Variants in PLEKHG6 observed in about 807,000 individuals in gnomAD.
PLEKHG6 encodes the protein pleckstrin homology and RhoGEF domain containing G6.
PLEKHG6 carries 91 observed loss-of-function variants against 97.5 expected under a neutral mutation model. The observed-to-expected ratio is 0.93, with a 90% CI of 0.79 to 1.11. The LOEUF is 1.11. Ranked by LOEUF, PLEKHG6 falls within the 50% of genes most tolerant of loss-of-function variation. The pLI is 0.00. For missense variants in PLEKHG6, 1,044 were observed against 1,031.0 expected (o/e 1.01, Z -0.17); for synonymous variants, 466 against 425.5 (o/e 1.10, Z -1.17).
chr12:6,317,439 G>A lies in PLEKHG6; in HGVS notation c.867+26G>A, dbSNP rs71584812. On this transcript the variant is annotated intron_variant, in intron 8 of 15. Transcript: ENST00000684764. Reference sequence around the variant, plus strand: ...GTGGGAGAAGGGGTGCTGGGGAGGGGGACGGGTGCATCTTAGCCGGCCGGT... The same window carrying A: ...GTGGGAGAAGGGGTGCTGGGGAGGGAGACGGGTGCATCTTAGCCGGCCGGT... 1,131 of 1,609,120 alleles carry A rather than the reference G, an allele frequency of 7.0e-4. 10 individuals are homozygous for A. The African/African-American group carries it at 0.013, about 19-fold the overall frequency.
intron 15 of PLEKHG6, 78 bp from the exon 16 acceptor site, chr12:6,328,058 G>T: frequency 6.3e-7 from 1 of 1,585,112 alleles, no homozygotes; most frequent in Non-Finnish European, 8.7e-7. Flanking sequence ...AGGCAGGAAG[G>T]GCTCTCCGCC....
rs570197517 is a variant in PLEKHG6 at position 6,312,302 on chromosome 12, C to T, written c.76C>T (p.Arg26Trp). The T allele has an allele frequency of 6.2e-5, 97 of 1,567,878 alleles. 1 individual carries two copies. Among genetic ancestry groups the T allele is most frequent in the South Asian group, 9.6e-5 (8 of 83,696 alleles). ...VASRIETYGG[R>W]HRASAQSTAG... ...CTCCCGCATTGAGACTTATGGGGGC[C>T]GGCATCGAGCCTCTGCTCAGAGCAC... The change falls in exon 2 of 16, where the codon CGG becomes TGG. Residue 26 changes from arginine to tryptophan, a missense_variant. Transcript: ENST00000684764.
Position 6,316,555 on chromosome 12 carries a change from C to G in PLEKHG6, c.756+151C>G. ...CCCCTAATATCACCTCACCTCCTCC[C>G]TTCATGCCACAAGTCTGACCTCTGT... On this transcript the variant is annotated intron_variant, in intron 7 of 15. Coordinates refer to ENST00000684764, the MANE Select transcript of PLEKHG6 (RefSeq NM_001384598.1). The surrounding 1 kb of genome is among the most constrained non-coding windows in gnomAD (Gnocchi z 4.1). The G allele has an allele frequency of 1.5e-6, 1 of 662,550 alleles. No individual in the cohort carries two copies. The highest frequency in any genetic ancestry group is 1.8e-5 in the African/African-American group (1 of 54,918). The allele number at this position is 662,550 out of a possible 1,614,324, so 41.0% of individuals were successfully genotyped here.
Position 6,312,179 on chromosome 12 carries a change from C to A in PLEKHG6, c.-48C>A, listed in dbSNP as rs765045316. ...TGCAGCCCTAGGGGACCTCTTTCTCCTGGACATTGAAGATATGGCCCTTTG... is the reference window on the plus strand; with the variant it reads ...TGCAGCCCTAGGGGACCTCTTTCTCATGGACATTGAAGATATGGCCCTTTG... On this transcript the variant is annotated 5_prime_UTR_variant, in exon 2 of 16. It adds an upstream start codon to the 5' untranslated region. Coordinates refer to ENST00000684764, the MANE Select transcript of PLEKHG6 (RefSeq NM_001384598.1). 7.0e-7 allele frequency: 1 copy of A among 1,434,606 alleles called. No individual in the cohort carries two copies. 88.9% of individuals were successfully genotyped at this position (1,434,606 alleles called of 1,614,324 possible).
chr12:6,320,226 G>A (rs1423978739), intron 13 of PLEKHG6, among the ~76,000 whole-genome samples: 1 of 152,156 alleles, frequency 6.6e-6, no homozygotes, highest in African/African-American at 2.4e-5. Flanking sequence ...GGATGACAGA[G>A]GGCCAGTGAA....
chr12:6,326,143 A>G (rs2136790103), intron 13 of PLEKHG6, among the ~76,000 whole-genome samples: 1 of 152,100 alleles, frequency 6.6e-6, no homozygotes, highest in Non-Finnish European at 1.5e-5. Flanking sequence ...CATCTCTACT[A>G]AAAATACAAA....
At chr12:6,313,503 A>G (rs1421074599) in intron 2 of PLEKHG6, 126 bp from the exon 3 acceptor site, 17 of 1,140,702 alleles carry the variant, frequency 1.5e-5, no homozygotes, top group Non-Finnish European at 2.0e-5. Flanking sequence ...TGCAGGGAGA[A>G]GTGAGCCAGC....
In PLEKHG6 at chr12:6,312,364, G is replaced by T. The variant is rs754842043; in HGVS notation, c.138G>T (p.Leu46=). 4.4e-6 allele frequency: 7 copies of T among 1,582,700 alleles called. No individual in the cohort carries two copies. Among genetic ancestry groups the T allele is most frequent in the Non-Finnish European group, 6.0e-6 (7 of 1,167,400 alleles). ...GRLYPRGYPV[L]DPSRRRLQQY... ...TCTATCCCCGAGGATACCCTGTGCT[G>T]GTGAGTCCAGGCTGTGCCCCAAAAG... The change falls in exon 2 of 16, where the codon CTG becomes CTT. Residue 46 remains leucine (L), a splice_region_variant and synonymous_variant. Coordinates refer to ENST00000684764, the MANE Select transcript of PLEKHG6 (RefSeq NM_001384598.1).
At chr12:6,312,457 T>G (rs1947306425) in intron 2 of PLEKHG6, 93 bp downstream of exon 2, 1 of 1,371,986 alleles carries the variant, frequency 7.3e-7, no homozygotes, top group Non-Finnish European at 9.9e-7. Context: ...GGTTCAGAGG[T>G]TGAGCTATTC....
chr12:6,322,076 G>C (rs994200127), intron 13 of PLEKHG6, among the ~76,000 whole-genome samples: 8 of 152,176 alleles, frequency 5.3e-5, no homozygotes, highest in Non-Finnish European at 8.8e-5. Context: ...ACAGCCTGGG[G>C]CCAGCACTGG....
At position 6,318,347 on chromosome 12, in the gene PLEKHG6, G is replaced by A. The variant is rs770557864; in HGVS notation, c.1202G>A (p.Gly401Glu). Residue 401 changes from glycine to glutamate, a missense_variant, in exon 11 of 16, where the codon GGG (glycine) becomes GAG (glutamate). Coordinates refer to ENST00000684764, the MANE Select transcript of PLEKHG6 (RefSeq NM_001384598.1). ...CTGGACCTGACGTCCCCCATGCTGG[G>A]GGTTGCATCTGAGCACACCAGACAG... ...STLDLTSPML[G>E]VASEHTRQLL... 28 of 1,614,120 alleles carry A rather than the reference G, an allele frequency of 1.7e-5. No individual in the cohort carries two copies. Among genetic ancestry groups the A allele is most frequent in the Non-Finnish European group, 2.2e-5 (26 of 1,180,028 alleles).
Position 6,318,443 on chromosome 12 carries a change from G to A in PLEKHG6, c.1275+23G>A, listed in dbSNP as rs559640709. The A allele has an allele frequency of 1.1e-4, 174 of 1,586,100 alleles. 1 individual carries two copies. The South Asian group carries it at 2.0e-3, about 18-fold the overall frequency. ...AAGGTGAGGGTGCTGCGGACAGAGT[G>A]GAGGGGATGGGGCACGGTGGGAGAA... On this transcript the variant is annotated intron_variant, in intron 11 of 15. Coordinates refer to ENST00000684764, the MANE Select transcript of PLEKHG6 (RefSeq NM_001384598.1).
At chr12:6,312,422 G>C in intron 2 of PLEKHG6, 58 bp downstream of exon 2, 1 of 1,509,088 alleles carries the variant, frequency 6.6e-7, no homozygotes, top group Non-Finnish European at 8.9e-7. Context: ...AGACACCTAG[G>C]CTGTGGAGTC....
At position 6,315,150 on chromosome 12, in the gene PLEKHG6, A is replaced by T; in HGVS notation, c.440A>T (p.Glu147Val). The T allele has an allele frequency of 6.2e-7, 1 of 1,610,996 alleles. No individual in the cohort carries two copies. Among genetic ancestry groups the T allele is most frequent in the East Asian group, 2.2e-5 (1 of 44,856 alleles). The part of the protein sequence containing the change: ...SGLTIEKSWR[E>V]LVPGHKEMSQ... The stretch of plus-strand genomic sequence containing the variant: ...CTGACCATCGAGAAGTCCTGGAGGG[A>T]GCTGGTGCCTGGGCACAAGGTGAGC... The change falls in exon 4 of 16, where the codon GAG (glutamate) becomes GTG (valine). Residue 147 changes from glutamate (E) to valine (V), a missense_variant. Transcript: ENST00000684764. This position sits in a 1 kb window ranked among gnomAD's most constrained non-coding sequence, Gnocchi z 4.5.
At chr12:6,321,438 AG>A (rs533490039) in intron 13 of PLEKHG6, among the ~76,000 whole-genome samples, 1 of 152,244 alleles carries the variant, frequency 6.6e-6, no homozygotes, top group East Asian at 1.9e-4. Context: ...TGGTGACAGG[AG>A]GTTTATTGTA....
rs1434412113 is a variant in PLEKHG6 at position 6,315,841 on chromosome 12, C to T, written c.556-28C>T. 6.5e-6 allele frequency: 10 copies of T among 1,547,590 alleles called. No individual in the cohort carries two copies. Among genetic ancestry groups the T allele is most frequent in the Non-Finnish European group, 8.7e-6 (10 of 1,144,300 alleles). On this transcript the variant is annotated intron_variant, in intron 5 of 15. Transcript: ENST00000684764. This position sits in a 1 kb window ranked among gnomAD's most constrained non-coding sequence, Gnocchi z 4.5. ...ACGACACTGAAGGGCTGCGCTGGGT[C>T]CTGAGACCCTCGTCTCCCTCCCTGC...
rs1487067542 is a variant in PLEKHG6 at position 6,316,912 on chromosome 12, C to T, written c.757-391C>T. On this transcript the variant is annotated intron_variant, in intron 7 of 15. Coordinates refer to ENST00000684764, the MANE Select transcript of PLEKHG6 (RefSeq NM_001384598.1). This position sits in a 1 kb window ranked among gnomAD's most constrained non-coding sequence, Gnocchi z 4.1. ...CCCCTGGGAGCCTTAGGTACCCCCTCCATAGGAGCAAGGCTTCTGAGCCAA... is the reference window on the plus strand; with the variant it reads ...CCCCTGGGAGCCTTAGGTACCCCCTTCATAGGAGCAAGGCTTCTGAGCCAA... Among the ~76,000 whole-genome samples, 2 of 152,168 alleles carry T rather than the reference C, an allele frequency of 1.3e-5. No homozygotes were observed. Among genetic ancestry groups the T allele is most frequent in the Non-Finnish European group, 2.9e-5 (2 of 68,026 alleles).
Position 6,312,229 on chromosome 12 carries a change from GA to G in PLEKHG6, c.5del (p.Lys2ArgfsTer71). ...GGAGGTGACCCAGGAGAGAAGGGATGAAGGCCTTTGGTCCTCCACATGAGGG... is the reference window on the plus strand; with the variant it reads ...GGAGGTGACCCAGGAGAGAAGGGATGAGGCCTTTGGTCCTCCACATGAGGG... Reference protein sequence around the residue: MKAFGPPHEGPL... With the variant: MXAFGPPHEGPL... On this transcript the variant is annotated frameshift_variant, in exon 2 of 16. Transcript: ENST00000684764. LOFTEE classifies it high-confidence loss of function. 1.3e-6 allele frequency: 2 copies of G among 1,511,458 alleles called. No individual in the cohort carries two copies. Among genetic ancestry groups the G allele is most frequent in the Non-Finnish European group, 1.8e-6 (2 of 1,136,062 alleles). 93.6% of individuals were successfully genotyped at this position (1,511,458 alleles called of 1,614,324 possible).
rs934449411 is a variant in PLEKHG6, at chr12:6,327,685, C to A, written c.2102C>A (p.Ala701Asp). 1 of 1,562,504 alleles carries A rather than the reference C, an allele frequency of 6.4e-7. No homozygotes were observed. The highest frequency in any genetic ancestry group is 1.2e-5 in the South Asian group (1 of 84,856). ...RGQLPSSPTH[A>D]DSAGESPWES... is the part of the protein sequence containing the mutation. ...CAGCTTCCCTCCTCCCCAACCCATG[C>A]TGACTCTGCCGGGGAAAGCCCCTGG... is the stretch of plus-strand genomic sequence containing the variant. Residue 701 changes from alanine to aspartate, a missense_variant, in exon 15 of 16, where the codon GCT becomes GAT. Coordinates refer to ENST00000684764, the MANE Select transcript of PLEKHG6 (RefSeq NM_001384598.1).
Sources: allele counts gnomAD v4.1 joint callset (sites outside exome capture counted in the v4.1 genomes callset), GRCh38; gene constraint gnomAD v4.1.1; non-coding constraint Gnocchi (gnomAD v3.1); transcripts MANE v1.5; gene names NCBI Gene and HGNC (gene_info 2026-07-23, HGNC 2026-07-21).